Variants in DOCK3 observed in about 807,000 individuals in gnomAD.
DOCK3 encodes dedicator of cytokinesis 3.
A neutral mutation model predicts 265.6 loss-of-function variants in DOCK3; 60 were observed. The observed-to-expected ratio is 0.23, with a 90% CI of 0.18 to 0.28. The LOEUF (loss-of-function observed/expected upper bound fraction) is 0.28, where lower values mean the gene tolerates loss of function less well. Ranked by LOEUF, DOCK3 falls within the 10% of genes least tolerant of loss-of-function variation. The pLI is 1.00. For synonymous variants in DOCK3, 881 were observed against 938.0 expected, an observed-to-expected ratio of 0.94 and a Z score of 1.11; for missense variants, 1,981 against 2,594.3, an observed-to-expected ratio of 0.76 and a Z score of 5.14.
chr3:51,144,174 A>G (rs894314761), intron 9 of DOCK3, among the ~76,000 whole-genome samples: 10 of 152,214 alleles, frequency 6.6e-5, no homozygotes, highest in Admixed American at 4.6e-4. Context: ...ATATTTTAAC[A>G]AAGACTCCCT....
intron 1 of DOCK3, among the ~76,000 whole-genome samples, chr3:50,746,476 G>A (rs2039452726): frequency 6.6e-6 from 1 of 152,074 alleles, no homozygotes; most frequent in African/African-American, 2.4e-5. Context: ...AGAAACCTTT[G>A]CCTAACCGAA....
At chr3:50,819,216 A>G (rs2044265191) in intron 2 of DOCK3, among the ~76,000 whole-genome samples, 1 of 152,086 alleles carries the variant, frequency 6.6e-6, no homozygotes, top group Non-Finnish European at 1.5e-5. Context: ...GCTTGATTCC[A>G]GCTTCCAGTT....
At chr3:51,315,449 G>A (rs2083312662) in intron 32 of DOCK3, among the ~76,000 whole-genome samples, 1 of 152,160 alleles carries the variant, frequency 6.6e-6, no homozygotes, top group South Asian at 2.1e-4. Flanking sequence ...CTTTACTGAG[G>A]ATTTTCACTG....
At chr3:50,948,458 C>A (rs1439565100) in intron 5 of DOCK3, among the ~76,000 whole-genome samples, 2 of 134,322 alleles carry the variant, frequency 1.5e-5, no homozygotes, top group Admixed American at 8.6e-5. Context: ...GGCTGGAATG[C>A]AGTTGCAAAA....
intron 2 of DOCK3, among the ~76,000 whole-genome samples, chr3:50,840,199 T>C (rs2045750229): frequency 6.6e-6 from 1 of 152,248 alleles, no homozygotes; most frequent in African/African-American, 2.4e-5. Flanking sequence ...AACAATGCCT[T>C]TCACAGAGGA....
intron 5 of DOCK3, among the ~76,000 whole-genome samples, chr3:51,000,556 T>G (rs947598968): frequency 3.3e-5 from 5 of 152,226 alleles, no homozygotes; most frequent in African/African-American, 1.2e-4. Flanking sequence ...TAGCATTTGC[T>G]TGGTTTTTAG....
chr3:50,974,904 T>A (rs1016724466), intron 5 of DOCK3, among the ~76,000 whole-genome samples: 3 of 122,972 alleles, frequency 2.4e-5, no homozygotes, highest in African/African-American at 8.9e-5. Context: ...TTGAAGCAAT[T>A]GTGAATGGGA....
chr3:51,193,811 T>TG (rs1255553251), intron 12 of DOCK3, among the ~76,000 whole-genome samples: 2 of 150,542 alleles, frequency 1.3e-5, no homozygotes, highest in African/African-American at 2.4e-5. Context: ...CTTTTTTTTT[T>TG]TTTTTTCTTG....
chr3:51,015,249 T>C (rs1170778905), intron 5 of DOCK3, among the ~76,000 whole-genome samples: 1 of 152,090 alleles, frequency 6.6e-6, no homozygotes, highest in Non-Finnish European at 1.5e-5. Context: ...CCTCATTCAG[T>C]ATGATACCAG....
At position 50,787,307 on chromosome 3, in the gene DOCK3, G is replaced by A. The variant is rs1170869042; in HGVS notation, c.121+8549G>A. On this transcript the variant is annotated intron_variant, in intron 2 of 52. Coordinates refer to ENST00000266037, the MANE Select transcript of DOCK3 (RefSeq NM_004947.5). ...TCCCAGCACTTTGGGAGGCTGAGGC[G>A]GGCTGATCACCTGAGGTCAGGAGTT... 7.0e-6 allele frequency: 3 copies of A among 426,646 alleles called. No homozygotes were observed. In the Admixed American group the frequency reaches 1.1e-4, roughly 15 times the overall value. 26.4% of individuals were successfully genotyped at this position (426,646 alleles called of 1,614,324 possible).
intron 2 of DOCK3, among the ~76,000 whole-genome samples, chr3:50,795,945 C>T (rs999653861): frequency 1.3e-4 from 20 of 152,098 alleles, no homozygotes; most frequent in African/African-American, 3.9e-4. Flanking sequence ...ACTCTGTTAT[C>T]GCAATGGTCT....
chr3:50,954,746 G>A (rs1276923002), intron 5 of DOCK3, among the ~76,000 whole-genome samples: 1 of 152,036 alleles, frequency 6.6e-6, no homozygotes, highest in Non-Finnish European at 1.5e-5. Context: ...TGCATAGTTT[G>A]CAGATATTTT....
rs184756019 is a variant in DOCK3 at position 51,087,466 on chromosome 3, G to C, written c.550-1777G>C. ...CCTGTTAAAAACTCTCAACAAGTTAGACATGGAAGGAAAATACCTCAGCAT... is the reference window on the plus strand; with the variant it reads ...CCTGTTAAAAACTCTCAACAAGTTACACATGGAAGGAAAATACCTCAGCAT... On this transcript the variant is annotated intron_variant, in intron 7 of 52. Transcript: ENST00000266037. Among the ~76,000 whole-genome samples the C allele has an allele frequency of 3.0e-4, 45 of 152,188 alleles. No homozygotes were observed. In the East Asian group the frequency reaches 7.7e-3, roughly 26 times the overall value.
intron 2 of DOCK3, among the ~76,000 whole-genome samples, chr3:50,789,609 A>C (rs368427124): frequency 6.6e-4 from 101 of 152,344 alleles, no homozygotes; most frequent in African/African-American, 2.4e-3. Context: ...GTTGCCATCC[A>C]TCACATTTCT....
At chr3:51,291,653 G>T (rs142239736) in intron 27 of DOCK3, among the ~76,000 whole-genome samples, 45 of 152,250 alleles carry the variant, frequency 3.0e-4, no homozygotes, top group African/African-American at 1.0e-3. Flanking sequence ...CTTCACAGTT[G>T]AATTCTGCCA....
intron 12 of DOCK3, among the ~76,000 whole-genome samples, chr3:51,172,138 C>T (rs976145080): frequency 1.3e-4 from 20 of 151,464 alleles, no homozygotes; most frequent in African/African-American, 4.6e-4. Context: ...AGTATTGCCA[C>T]TCCTACTCTC....
At chr3:50,697,910 G>T (rs2035735291) in intron 1 of DOCK3, among the ~76,000 whole-genome samples, 1 of 151,946 alleles carries the variant, frequency 6.6e-6, no homozygotes, top group Admixed American at 6.6e-5. Context: ...TTTTTTTGAG[G>T]TAAAAATCAG....
intron 5 of DOCK3, among the ~76,000 whole-genome samples, chr3:50,984,356 A>G (rs558908101): frequency 6.6e-6 from 1 of 152,288 alleles, no homozygotes; most frequent in Admixed American, 6.5e-5. Flanking sequence ...GATGGTACAT[A>G]CCATCCTTCC....
chr3:51,023,852 A>C (rs1363448855), intron 5 of DOCK3, among the ~76,000 whole-genome samples: 1 of 151,454 alleles, frequency 6.6e-6, no homozygotes, highest in African/African-American at 2.4e-5. Context: ...CAACCTTCTG[A>C]ATTATTTTTG....
Sources: gnomAD v4.1 joint callset for allele counts (sites outside exome capture counted in the v4.1 genomes callset) on GRCh38, gnomAD v4.1.1 for gene constraint, MANE v1.5 for transcripts, NCBI Gene and HGNC (gene_info 2026-07-23, HGNC 2026-07-21) for gene names.